Variants in SCAP observed in about 807,000 individuals in gnomAD.
SCAP encodes sterol regulatory element-binding protein cleavage-activating protein.
In SCAP, 65 loss-of-function variants were observed where a neutral mutation model predicts 123.6. The ratio of observed to expected loss-of-function variants is 0.53; its 90% CI spans 0.43 to 0.65. The LOEUF is 0.65. Among genes scored for constraint, SCAP ranks in the 30% least tolerant of loss-of-function variants. SCAP has a pLI of 0.00. For synonymous variants in SCAP, 740 were observed against 726.3 expected, an observed-to-expected ratio of 1.02 and a Z score of -0.30; for missense variants, 1,398 against 1,712.5, an observed-to-expected ratio of 0.82 and a Z score of 3.24.
intron 1 of SCAP, among the ~76,000 whole-genome samples, chr3:47,473,895 G>A (rs1708164620): frequency 6.6e-6 from 1 of 152,080 alleles, no homozygotes; most frequent in Non-Finnish European, 1.5e-5. Context: ...ACGGGGGAAG[G>A]GCCCCAAACC....
At chr3:47,422,361 G>A in intron 10 of SCAP, 81 bp downstream of exon 10, 2 of 1,264,128 alleles carry the variant, frequency 1.6e-6, no homozygotes, top group East Asian at 2.4e-5. Context: ...GAAGAGGGGA[G>A]CACCCTGCCC....
chr3:47,467,347 G>A (rs1305163129), intron 1 of SCAP, among the ~76,000 whole-genome samples: 1 of 152,018 alleles, frequency 6.6e-6, no homozygotes, highest in Non-Finnish European at 1.5e-5. Context: ...GCTCATGCCT[G>A]TAATCCCACC....
At chr3:47,466,375 C>CAGTATGAAACAT (rs1707830729) in intron 1 of SCAP, among the ~76,000 whole-genome samples, 1 of 152,070 alleles carries the variant, frequency 6.6e-6, no homozygotes, top group African/African-American at 2.4e-5. Context: ...CAGTATGATA[C>CAGTATGAAACAT]CTGGGTGTTT....
chr3:47,454,419 A>C (rs1707339188), intron 1 of SCAP, among the ~76,000 whole-genome samples: 1 of 151,790 alleles, frequency 6.6e-6, no homozygotes, highest in Non-Finnish European at 1.5e-5. Context: ...GTTGATTTAC[A>C]TACATACATA....
At chr3:47,447,161 T>G (rs1370963537) in intron 1 of SCAP, among the ~76,000 whole-genome samples, 1 of 151,870 alleles carries the variant, frequency 6.6e-6, no homozygotes, top group South Asian at 2.1e-4. Flanking sequence ...CCCAGCACTT[T>G]GGGAGACCGA....
rs373741294 is a variant in SCAP at position 47,418,383 on chromosome 3, C to A, written c.2269G>T (p.Asp757Tyr). The stretch of plus-strand genomic sequence containing the variant: ...GTCTCGGGTGGCGCATAGCCGTAGT[C>A]GTCGCAGGGCAGCTCCCCGCGCCTC... ...RRRRGELPCD[D>Y]YGYAPPETEI... Residue 757 changes from aspartate to tyrosine, a missense_variant, in exon 15 of 23, where the codon GAC (aspartate) becomes TAC (tyrosine). Around this residue, in one of 7 missense-constraint regions of SCAP, gnomAD observed 828 missense variants for 882.5 expected, o/e 0.94. Coordinates refer to ENST00000265565, the MANE Select transcript of SCAP (RefSeq NM_012235.4). 55 of 1,573,564 alleles carry A rather than the reference C, an allele frequency of 3.5e-5. No homozygotes were observed. Among genetic ancestry groups the A allele is most frequent in the Non-Finnish European group, 4.6e-5 (53 of 1,163,026 alleles).
At chr3:47,461,467 A>G (rs1358304264) in intron 1 of SCAP, among the ~76,000 whole-genome samples, 2 of 152,200 alleles carry the variant, frequency 1.3e-5, no homozygotes, top group Non-Finnish European at 2.9e-5. Context: ...GTCACTTCTC[A>G]GACTGGAACT....
chr3:47,473,095 A>AAAAAAAAAAAC (rs1559576259), intron 1 of SCAP, among the ~76,000 whole-genome samples: 11 of 146,290 alleles, frequency 7.5e-5, no homozygotes, highest in African/African-American at 2.8e-4. Context: ...AAAAAAAAAA[A>AAAAAAAAAAAC]AAAACAGACT....
At chr3:47,460,256 C>T (rs911887257) in intron 1 of SCAP, among the ~76,000 whole-genome samples, 2 of 152,064 alleles carry the variant, frequency 1.3e-5, no homozygotes, top group Non-Finnish European at 2.9e-5. Flanking sequence ...ACATCCTCAG[C>T]TTACGAAGAT....
chr3:47,466,919 TA>T (rs1358581345), intron 1 of SCAP, among the ~76,000 whole-genome samples: 3 of 150,092 alleles, frequency 2.0e-5, no homozygotes, highest in Non-Finnish European at 3.0e-5. Context: ...CCCCATATCT[TA>T]AAAAAAAATA....
At chr3:47,435,827 C>G (rs1345509599) in intron 2 of SCAP, among the ~76,000 whole-genome samples, 2 of 152,074 alleles carry the variant, frequency 1.3e-5, no homozygotes, top group African/African-American at 2.4e-5. Context: ...GGCTGGAGGG[C>G]TGCTTGAGCC....
rs868742199 is a variant in SCAP, at chr3:47,422,450, C to T, written c.1237G>A (p.Ala413Thr). The change falls in exon 10 of 23, where the codon GCC becomes ACC. Residue 413 changes from alanine (A) to threonine (T), a missense_variant. By Grantham distance (58) the Ala-to-Thr change is moderately conservative (BLOSUM62 0). This residue lies in a region of SCAP where 66 missense variants were observed against 116.3 expected (regional missense o/e 0.57). Coordinates refer to ENST00000265565, the MANE Select transcript of SCAP (RefSeq NM_012235.4). ...ILIGYFTLVPAIQEFCLFAVV... is the reference protein window; with the variant it reads ...ILIGYFTLVPTIQEFCLFAVV... ...AGGCCTTGGGGCCTTACCTGGATGG[C>T]GGGCACTAGGGTGAAGTAGCCGATG... The T allele has an allele frequency of 2.5e-6, 4 of 1,612,852 alleles. No individual in the cohort carries two copies. The highest frequency in any genetic ancestry group is 2.2e-5 in the East Asian group (1 of 44,852).
Position 47,425,561 on chromosome 3 carries a change from C to T in SCAP, c.961G>A (p.Val321Ile). 6.2e-7 allele frequency: 1 copy of T among 1,614,150 alleles called. No homozygotes were observed. The highest frequency in any genetic ancestry group is 8.5e-7 in the Non-Finnish European group (1 of 1,180,058). Residue 321 changes from valine (V) to isoleucine (I), a missense_variant, in exon 8 of 23, where the codon GTC becomes ATC. By Grantham distance (29) the Val-to-Ile change is conservative (BLOSUM62 3). Around this residue, in one of 7 missense-constraint regions of SCAP, gnomAD observed 319 missense variants for 432.4 expected, o/e 0.74. Transcript: ENST00000265565. Reference sequence around the variant, plus strand: ...ATGAGCAGCGAGCTGAGCACTGTGACCACGGCAGCCAGGGCCAGCCCCCAC... The same window carrying T: ...ATGAGCAGCGAGCTGAGCACTGTGATCACGGCAGCCAGGGCCAGCCCCCAC... ...SKWGLALAAVVTVLSSLLMSV... is the reference protein window; with the variant it reads ...SKWGLALAAVITVLSSLLMSV...
At chr3:47,475,238 G>A (rs62248599) in intron 1 of SCAP, among the ~76,000 whole-genome samples, 57,410 of 151,632 alleles carry the variant, frequency 0.38, 11,223 homozygotes, top group East Asian at 0.53. Flanking sequence ...TGCAACTAAC[G>A]CTATCGTGAC....
chr3:47,445,579 CT>C (rs1022680108), intron 1 of SCAP, among the ~76,000 whole-genome samples: 3 of 146,508 alleles, frequency 2.0e-5, no homozygotes. Context: ...CGAACTCCAA[CT>C]TTTTTTTTTG....
At chr3:47,464,595 G>C (rs188972520) in intron 1 of SCAP, among the ~76,000 whole-genome samples, 37 of 152,258 alleles carry the variant, frequency 2.4e-4, no homozygotes, top group Admixed American at 1.1e-3. Context: ...AATAGGAATA[G>C]AAGGCAATAT....
chr3:47,416,299 T>C (rs1011921585), intron 18 of SCAP, among the ~76,000 whole-genome samples: 2 of 151,990 alleles, frequency 1.3e-5, no homozygotes, highest in African/African-American at 2.4e-5. Context: ...CCCCAAGGAG[T>C]GTGCATGCAG....
chr3:47,415,850 T>C (rs1705547661), intron 18 of SCAP, among the ~76,000 whole-genome samples: 1 of 152,138 alleles, frequency 6.6e-6, no homozygotes, highest in African/African-American at 2.4e-5. Context: ...GCCAGTTTTA[T>C]GATTGGAAGT....
chr3:47,422,052 C>T (rs778951286), intron 10 of SCAP, among the ~76,000 whole-genome samples: 1 of 152,264 alleles, frequency 6.6e-6, no homozygotes, highest in African/African-American at 2.4e-5. Flanking sequence ...GGTCTAGGAA[C>T]CCCACGGTGC....
Sources: gnomAD v4.1 joint callset for allele counts (sites outside exome capture counted in the v4.1 genomes callset) on GRCh38, gnomAD v4.1.1 for gene constraint, gnomAD v4.1.1 regional missense constraint, MANE v1.5 for transcripts, NCBI Gene and HGNC (gene_info 2026-07-23, HGNC 2026-07-21) for gene names.